Variants in SNAP25 observed in about 807,000 individuals in gnomAD.
SNAP25 encodes synaptosome associated protein 25, also known as synaptosomal-associated protein 25.
A neutral mutation model predicts 28.7 loss-of-function variants in SNAP25; 3 were observed. The ratio of observed to expected loss-of-function variants is 0.10; its 90% CI spans 0.05 to 0.27. The LOEUF (loss-of-function observed/expected upper bound fraction) is 0.27. SNAP25 is among the 10% of genes least tolerant of loss of function. SNAP25 has a pLI of 1.00. For missense variants in SNAP25, 117 were observed against 278.7 expected (o/e 0.42, Z 4.13); for synonymous variants, 61 against 88.1 (o/e 0.69, Z 1.72).
chr20:10,252,134 G>T (rs76547470), intron 1 of SNAP25, among the ~76,000 whole-genome samples: 2 of 152,158 alleles, frequency 1.3e-5, no homozygotes, highest in African/African-American at 2.4e-5. Flanking sequence ...AGACACCCAC[G>T]TGCAAACTCA....
intron 3 of SNAP25, chr20:10,278,052 G>T: frequency 9.9e-6 from 2 of 202,824 alleles, no homozygotes; most frequent in Non-Finnish European, 2.0e-5. Flanking sequence ...AATATACAAA[G>T]GAATTATCTA....
At chr20:10,262,760 C>T (rs2063437176) in intron 1 of SNAP25, among the ~76,000 whole-genome samples, 1 of 152,128 alleles carries the variant, frequency 6.6e-6, no homozygotes, top group Admixed American at 6.6e-5. Context: ...AGCCAAGGAG[C>T]CCTTGCCAGC....
At chr20:10,240,114 C>T (rs929902482) in intron 1 of SNAP25, among the ~76,000 whole-genome samples, 1 of 152,160 alleles carries the variant, frequency 6.6e-6, no homozygotes, top group East Asian at 1.9e-4. Flanking sequence ...CACTTCCAAG[C>T]TCATTCAGGT....
chr20:10,257,412 A>C (rs2063336398), intron 1 of SNAP25, among the ~76,000 whole-genome samples: 1 of 152,052 alleles, frequency 6.6e-6, no homozygotes, highest in Non-Finnish European at 1.5e-5. Flanking sequence ...CTCTACTACA[A>C]ATACAAAAAT....
At chr20:10,274,935 G>A (rs2063662143) in intron 1 of SNAP25, among the ~76,000 whole-genome samples, 1 of 152,084 alleles carries the variant, frequency 6.6e-6, no homozygotes, top group African/African-American at 2.4e-5. Context: ...GAAATTTGGA[G>A]GAGTAATGGC....
At chr20:10,287,803 T>G (rs972649728) in intron 4 of SNAP25, among the ~76,000 whole-genome samples, 12 of 151,684 alleles carry the variant, frequency 7.9e-5, no homozygotes, top group Admixed American at 6.6e-4. Flanking sequence ...ATGTGGCACA[T>G]ATACACCATG....
chr20:10,263,056 T>TC (rs1380249706), intron 1 of SNAP25, among the ~76,000 whole-genome samples: 3 of 127,834 alleles, frequency 2.3e-5, no homozygotes, highest in Non-Finnish European at 4.8e-5. Flanking sequence ...TCTCGCTCTG[T>TC]CGCCCAGGCT....
intron 1 of SNAP25, among the ~76,000 whole-genome samples, chr20:10,243,075 G>A (rs898978595): frequency 2.0e-5 from 3 of 152,200 alleles, no homozygotes; most frequent in East Asian, 1.9e-4. Context: ...TGGCTTTACC[G>A]TTCAGCTGTG....
intron 1 of SNAP25, among the ~76,000 whole-genome samples, chr20:10,257,016 C>T (rs923726023): frequency 6.6e-6 from 1 of 152,084 alleles, no homozygotes; most frequent in Admixed American, 6.5e-5. Flanking sequence ...CTAAATAGTG[C>T]ATTGGTTCCC....
chr20:10,301,858 CTATATATATTATATAATATATAA>C (rs1416852878), intron 7 of SNAP25, among the ~76,000 whole-genome samples: 1 of 142,016 alleles, frequency 7.0e-6, no homozygotes, highest in Non-Finnish European at 1.5e-5. Flanking sequence ...AAATAAATAA[CTATATATATTATATAATATATAA>C]TATATATATT....
chr20:10,239,945 T>C (rs989037936), intron 1 of SNAP25, among the ~76,000 whole-genome samples: 1 of 152,172 alleles, frequency 6.6e-6, no homozygotes, highest in Non-Finnish European at 1.5e-5. Flanking sequence ...TGTAACAATA[T>C]TACTGCAACC....
rs550299960 is a variant in SNAP25 at position 10,290,598 on chromosome 20, G to C, written c.164-2563G>C. ...ATATGTTACCTCCTAATCTCTGGAA[G>C]CACAGTGGATGGGTCCCTAATATCT... On this transcript the variant is annotated intron_variant, in intron 4 of 7. Coordinates refer to ENST00000254976, the MANE Select transcript of SNAP25 (RefSeq NM_130811.4). Among the ~76,000 whole-genome samples the C allele has an allele frequency of 4.0e-5, 6 of 151,556 alleles. No homozygotes were observed. The South Asian group carries it at 1.3e-3, about 32-fold the overall frequency.
At chr20:10,296,080 A>G (rs942190288) in intron 5 of SNAP25, 1 of 152,250 alleles carries the variant, frequency 6.6e-6, no homozygotes, top group African/African-American at 2.4e-5. Flanking sequence ...AGAATGGTCA[A>G]CTTCTGGAGT....
chr20:10,272,087 T>C (rs1372079426), intron 1 of SNAP25, among the ~76,000 whole-genome samples: 4 of 152,218 alleles, frequency 2.6e-5, no homozygotes, highest in African/African-American at 9.6e-5. Flanking sequence ...CACAGCAACA[T>C]GTCTTGTGCC....
chr20:10,222,796 C>G (rs762632409), intron 1 of SNAP25, among the ~76,000 whole-genome samples: 2 of 152,172 alleles, frequency 1.3e-5, no homozygotes, highest in Non-Finnish European at 2.9e-5. Context: ...TTTAAGACTA[C>G]TTTTCAGGAT....
At chr20:10,260,952 T>A (rs1164327215) in intron 1 of SNAP25, among the ~76,000 whole-genome samples, 1 of 152,212 alleles carries the variant, frequency 6.6e-6, no homozygotes, top group Non-Finnish European at 1.5e-5. Flanking sequence ...TTTCAAATGC[T>A]AACTGCCTAT....
intron 2 of SNAP25, 129 bp downstream of exon 2, chr20:10,275,692 G>A: frequency 1.5e-6 from 1 of 666,808 alleles, no homozygotes. Flanking sequence ...ATATGACTTT[G>A]ATTTTCTGTA....
chr20:10,233,477 C>T (rs1473104146), intron 1 of SNAP25, among the ~76,000 whole-genome samples: 1 of 152,168 alleles, frequency 6.6e-6, no homozygotes, highest in Non-Finnish European at 1.5e-5. Context: ...GGAGAATCTC[C>T]TTCCTCTGCA....
At chr20:10,236,984 A>ATAAATAAG (rs1484746102) in intron 1 of SNAP25, among the ~76,000 whole-genome samples, 1 of 151,762 alleles carries the variant, frequency 6.6e-6, no homozygotes, top group Non-Finnish European at 1.5e-5. Flanking sequence ...AAATAAATAA[A>ATAAATAAG]TAAATAAATA....
Sources: allele counts gnomAD v4.1 joint callset (sites outside exome capture counted in the v4.1 genomes callset), GRCh38; gene constraint gnomAD v4.1.1; transcripts MANE v1.5; gene names NCBI Gene and HGNC (gene_info 2026-07-23, HGNC 2026-07-21).